Variants in DOCK2 observed in about 807,000 individuals in gnomAD.
The protein encoded by DOCK2 is dedicator of cytokinesis 2.
Under a neutral mutation model 248.9 loss-of-function variants are expected in DOCK2, and 87 were observed. That is an observed-to-expected ratio of 0.35 (90% CI 0.29 to 0.42). The LOEUF (loss-of-function observed/expected upper bound fraction) is 0.42, where lower values mean the gene tolerates loss of function less well. Ranked by LOEUF, DOCK2 falls within the 10% of genes least tolerant of loss-of-function variation. The pLI, the probability that DOCK2 is intolerant of heterozygous loss-of-function variation, is 1.00. For synonymous variants in DOCK2, 805 were observed against 821.6 expected (o/e 0.98, Z 0.35); for missense variants, 1,747 against 2,300.2 (o/e 0.76, Z 4.92).
At chr5:169,936,578 C>CTTT (rs4041977) in intron 27 of DOCK2, among the ~76,000 whole-genome samples, 1,326 of 122,790 alleles carry the variant, frequency 0.011, 43 homozygotes, top group East Asian at 0.11. Flanking sequence ...TCTCAGACTC[C>CTTT]TTTTTTTTTT....
At chr5:169,770,758 A>G (rs1317140623) in intron 25 of DOCK2, among the ~76,000 whole-genome samples, 2 of 152,234 alleles carry the variant, frequency 1.3e-5, no homozygotes, top group Non-Finnish European at 2.9e-5. Flanking sequence ...ATATTAAACT[A>G]GGAATCATCC....
chr5:169,920,132 C>T (rs779304247), intron 27 of DOCK2, among the ~76,000 whole-genome samples: 4 of 152,076 alleles, frequency 2.6e-5, no homozygotes, highest in Non-Finnish European at 4.4e-5. Flanking sequence ...TGAGATTTAG[C>T]GTCTCAGGGA....
rs769394835 is a variant in DOCK2 at position 169,708,316 on chromosome 5, C to T, written c.1482+49C>T. The T allele has an allele frequency of 1.1e-5, 17 of 1,550,188 alleles. No individual in the cohort carries two copies. The South Asian group carries it at 1.7e-4, about 16-fold the overall frequency. ...ACACATGTCTAGTTCTTACCATGAACCAGGCACTGTTTTAAGTGCTTTATT... is the reference window on the plus strand; with the variant it reads ...ACACATGTCTAGTTCTTACCATGAATCAGGCACTGTTTTAAGTGCTTTATT... On this transcript the variant is annotated intron_variant, in intron 15 of 51. Transcript: ENST00000520908.
rs1761024081 is a variant in DOCK2 at position 169,702,399 on chromosome 5, T to C, written c.1355T>C (p.Val452Ala). ...TQRNVEVIMC[V>A]CAEDGKTLPN... ...AGGAATGTGGAAGTCATCATGTGTG[T>C]GTGCGCGGAGGATGGCAAAACGCTG... Residue 452 changes from valine (V) to alanine (A), a missense_variant, in exon 14 of 52, where the codon GTG becomes GCG. Around this residue, in one of 4 missense-constraint regions of DOCK2, gnomAD observed 858 missense variants for 1,183.5 expected, o/e 0.72. Coordinates refer to ENST00000520908, the MANE Select transcript of DOCK2 (RefSeq NM_004946.3). 2 of 1,613,834 alleles carry C rather than the reference T, an allele frequency of 1.2e-6. No individual in the cohort carries two copies. Among genetic ancestry groups the C allele is most frequent in the South Asian group, 2.2e-5 (2 of 91,078 alleles).
At chr5:169,976,959 T>C (rs1362528628) in intron 27 of DOCK2, among the ~76,000 whole-genome samples, 2 of 152,208 alleles carry the variant, frequency 1.3e-5, no homozygotes, top group African/African-American at 4.8e-5. Context: ...AAAAAGCTTC[T>C]TAGGAAAGAA....
At chr5:169,990,025 T>C (rs115738134) in intron 29 of DOCK2, among the ~76,000 whole-genome samples, 2,252 of 152,192 alleles carry the variant, frequency 0.015, 56 homozygotes, top group African/African-American at 0.05. Context: ...GTAGTGATTA[T>C]TCGTTTTTGG....
intron 25 of DOCK2, among the ~76,000 whole-genome samples, chr5:169,771,304 G>A (rs1391530458): frequency 1.3e-5 from 2 of 151,984 alleles, no homozygotes; most frequent in Admixed American, 6.6e-5. Flanking sequence ...TTTTTGAGAC[G>A]GAGTCTCGCT....
At chr5:169,789,748 A>G (rs1462127328) in intron 25 of DOCK2, among the ~76,000 whole-genome samples, 2 of 152,222 alleles carry the variant, frequency 1.3e-5, no homozygotes, top group Non-Finnish European at 2.9e-5. Flanking sequence ...ACAAGTGAAG[A>G]AATAAAGCAG....
intron 27 of DOCK2, among the ~76,000 whole-genome samples, chr5:169,903,052 C>T (rs527657154): frequency 1.3e-5 from 2 of 151,754 alleles, no homozygotes; most frequent in African/African-American, 4.8e-5. Context: ...GAGCTGAGAT[C>T]ACGCCACTGT....
intron 47 of DOCK2, among the ~76,000 whole-genome samples, chr5:170,076,314 C>G (rs558748236): frequency 9.6e-4 from 146 of 152,332 alleles, no homozygotes; most frequent in African/African-American, 3.3e-3. Context: ...CAGATACCAA[C>G]TACTCAAGGG....
At chr5:170,008,650 G>C (rs1435610741) in intron 31 of DOCK2, 38 bp from the exon 32 acceptor site, 2 of 1,613,946 alleles carry the variant, frequency 1.2e-6, no homozygotes, top group Admixed American at 3.3e-5. Context: ...GAGATCCTCT[G>C]AGATGGTGCC....
At chr5:169,778,446 T>C (rs952061354) in intron 25 of DOCK2, among the ~76,000 whole-genome samples, 3 of 152,226 alleles carry the variant, frequency 2.0e-5, no homozygotes, top group Non-Finnish European at 2.9e-5. Flanking sequence ...CTCAGCAGTG[T>C]GCTCTTATTG....
chr5:169,791,211 G>T (rs1170929433), intron 25 of DOCK2, among the ~76,000 whole-genome samples: 5 of 152,206 alleles, frequency 3.3e-5, no homozygotes, highest in African/African-American at 1.2e-4. Flanking sequence ...GACATGACTT[G>T]ATTGAGATTG....
chr5:169,682,344 G>C (rs1340516351), intron 7 of DOCK2, among the ~76,000 whole-genome samples: 2 of 152,238 alleles, frequency 1.3e-5, no homozygotes, highest in Non-Finnish European at 2.9e-5. Context: ...ATCTGGGACA[G>C]GGTGTTCCAG....
chr5:170,008,213 C>A (rs7710679), intron 30 of DOCK2, among the ~76,000 whole-genome samples: 1 of 56,382 alleles, frequency 1.8e-5, no homozygotes, highest in African/African-American at 2.2e-4. Context: ...ACAACAACAA[C>A]AACAACAACA....
rs764611025 is a variant in DOCK2 at position 169,765,068 on chromosome 5, G to GCACACACACACA, written c.2554+3444_2554+3445insACACACACACAC. On this transcript the variant is annotated intron_variant, in intron 25 of 51. Transcript: ENST00000520908. ...TGATTTACCCCTCAGGGCTCTTTTA[G>GCACACACACACA]CGCACACACACACACACACACACAC... 2.2e-3 allele frequency among the ~76,000 whole-genome samples: 177 copies of GCACACACACACA among 79,752 alleles called. 2 individuals carry two copies. Among genetic ancestry groups the GCACACACACACA allele is most frequent in the South Asian group, 5.1e-3 (12 of 2,338 alleles). 52.3% of individuals were successfully genotyped at this position (79,752 alleles called of 152,430 possible). A position where few individuals can be genotyped will look rare whatever the true frequency, so the allele number is the denominator to read the frequency against.
intron 27 of DOCK2, among the ~76,000 whole-genome samples, chr5:169,891,200 T>C (rs368602523): frequency 3.4e-4 from 52 of 152,234 alleles, no homozygotes; most frequent in African/African-American, 1.2e-3. Context: ...GGACTCCTCT[T>C]TCCCCAGATC....
intron 10 of DOCK2, among the ~76,000 whole-genome samples, chr5:169,698,082 C>T (rs1157377499): frequency 6.6e-6 from 1 of 152,116 alleles, no homozygotes; most frequent in East Asian, 1.9e-4. Flanking sequence ...AATTCCACAG[C>T]CACGGCTCTG....
intron 2 of DOCK2, among the ~76,000 whole-genome samples, chr5:169,662,615 T>C (rs1245576132): frequency 2.6e-5 from 4 of 152,124 alleles, no homozygotes; most frequent in African/African-American, 9.7e-5. Context: ...TGGTGGAAGA[T>C]GAAGGGGAAG....
Sources: gnomAD v4.1 joint callset for allele counts (sites outside exome capture counted in the v4.1 genomes callset) on GRCh38, gnomAD v4.1.1 for gene constraint, gnomAD v4.1.1 regional missense constraint, MANE v1.5 for transcripts, NCBI Gene and HGNC (gene_info 2026-07-23, HGNC 2026-07-21) for gene names.